The following AGBL4 variants were observed in gnomAD, a reference collection of about 807,000 sequenced individuals.
AGBL4 encodes cytosolic carboxypeptidase 6.
A neutral mutation model predicts 66.4 loss-of-function variants in AGBL4; 58 were observed. That is an observed-to-expected ratio of 0.87 (90% CI 0.71 to 1.09). The LOEUF is 1.09. Among genes scored for constraint, AGBL4 ranks in the 50% least tolerant of loss-of-function variants. The probability of loss-of-function intolerance (pLI) is 0.00; values close to 1 mark genes in which losing one functional copy is unlikely to be tolerated. For synonymous variants in AGBL4, 234 were observed against 222.9 expected (o/e 1.05, Z -0.44); for missense variants, 579 against 631.0 (o/e 0.92, Z 0.88).
intron 3 of AGBL4, among the ~76,000 whole-genome samples, chr1:49,638,689 C>T (rs1571225582): frequency 6.6e-6 from 1 of 152,200 alleles, no homozygotes; most frequent in Non-Finnish European, 1.5e-5. Context: ...TTCTTGCCTG[C>T]TGCCATGTAA....
chr1:48,526,092 A>G, the AGBL4 span, among the ~76,000 whole-genome samples: 3 of 152,228 alleles, frequency 2.0e-5, no homozygotes, highest in African/African-American at 7.2e-5. Context: ...GGGGACATCC[A>G]GTTGCAAAGG....
chr1:49,253,439 T>C (rs1557769472), intron 3 of AGBL4, among the ~76,000 whole-genome samples: 2 of 152,128 alleles, frequency 1.3e-5, no homozygotes, highest in Non-Finnish European at 2.9e-5. Context: ...ATGGATAAAT[T>C]CCTGGACACA....
intron 5 of AGBL4, among the ~76,000 whole-genome samples, chr1:48,960,237 A>G (rs1657851554): frequency 6.6e-6 from 1 of 152,154 alleles, no homozygotes; most frequent in African/African-American, 2.4e-5. Flanking sequence ...TGGAAAAGAG[A>G]GAGAGGAATA....
chr1:49,423,140 A>C (rs554808306), intron 3 of AGBL4: 2 of 152,336 alleles, frequency 1.3e-5, no homozygotes, highest in Admixed American at 1.3e-4. Flanking sequence ...ATATCCTATT[A>C]ATAGAAGAGA....
rs530726968 is a variant in AGBL4 at position 49,487,332 on chromosome 1, A to T, written c.282+209981T>A. 2.0e-5 allele frequency among the ~76,000 whole-genome samples: 3 copies of T among 152,020 alleles called. No individual in the cohort carries two copies. The East Asian group carries it at 5.8e-4, about 29-fold the overall frequency. ...ATTTTATCCTCATGACAACTATATG[A>T]GGTAGGTGTCTGAGAAGTTTTGCTC... On this transcript the variant is annotated intron_variant, in intron 3 of 13. Coordinates refer to ENST00000371839, the MANE Select transcript of AGBL4 (RefSeq NM_032785.4).
the AGBL4 span, among the ~76,000 whole-genome samples, chr1:48,523,513 C>G: frequency 6.6e-6 from 1 of 152,156 alleles, no homozygotes; most frequent in East Asian, 1.9e-4. Context: ...AGGCTTAAAT[C>G]CAGGCTCTGG....
chr1:48,996,023 G>C (rs898870790), intron 5 of AGBL4, among the ~76,000 whole-genome samples: 1 of 152,132 alleles, frequency 6.6e-6, no homozygotes, highest in Non-Finnish European at 1.5e-5. Flanking sequence ...AGGAAAGTGA[G>C]TGGGTTGGGG....
rs372960346 is a variant in AGBL4, at chr1:50,002,359, C to CTTTTTTT, written c.34+21397_34+21403dup. Among the ~76,000 whole-genome samples the CTTTTTTT allele has an allele frequency of 7.6e-4, 73 of 96,022 alleles. 6 individuals carry two copies. The highest frequency in any genetic ancestry group is 2.7e-3 in the African/African-American group (60 of 22,146). The allele number at this position is 96,022 out of a possible 152,430, so 63.0% of individuals were successfully genotyped here. Reference sequence around the variant, plus strand: ...TTGAGCCCTTAAATCTGCCCTAGTTCTTTTTTTTTTTTTTTTTTTTTTTTT... The same window carrying CTTTTTTT: ...TTGAGCCCTTAAATCTGCCCTAGTTCTTTTTTTTTTTTTTTTTTTTTTTTTTTTTTTT... On this transcript the variant is annotated intron_variant, in intron 1 of 13. Transcript: ENST00000371839.
At chr1:48,656,863 G>A (rs953119514) in intron 7 of AGBL4, among the ~76,000 whole-genome samples, 2 of 152,084 alleles carry the variant, frequency 1.3e-5, no homozygotes, top group South Asian at 2.1e-4. Flanking sequence ...GCTACCTATC[G>A]GGTACTATGT....
At chr1:49,992,343 G>T (rs1363373540) in intron 1 of AGBL4, among the ~76,000 whole-genome samples, 1 of 149,716 alleles carries the variant, frequency 6.7e-6, no homozygotes, top group African/African-American at 2.5e-5. Context: ...CTGCACTCCA[G>T]CCTGGGCGAC....
At chr1:49,292,288 G>A (rs996769215) in intron 3 of AGBL4, among the ~76,000 whole-genome samples, 8 of 152,210 alleles carry the variant, frequency 5.3e-5, no homozygotes, top group African/African-American at 1.9e-4. Flanking sequence ...GCACTCCTTG[G>A]CACCTAAAGC....
chr1:49,287,007 A>T (rs1644427286), intron 3 of AGBL4, among the ~76,000 whole-genome samples: 1 of 151,930 alleles, frequency 6.6e-6, no homozygotes, highest in Admixed American at 6.6e-5. Flanking sequence ...ACTGGTACCA[A>T]AACAGAGATA....
intron 3 of AGBL4, among the ~76,000 whole-genome samples, chr1:49,623,377 C>A (rs1262912458): frequency 6.6e-6 from 1 of 152,164 alleles, no homozygotes; most frequent in African/African-American, 2.4e-5. Flanking sequence ...AAACCAAAAT[C>A]AGCTTCAGAA....
At chr1:48,851,155 G>A (rs943393843) in intron 6 of AGBL4, among the ~76,000 whole-genome samples, 2 of 152,110 alleles carry the variant, frequency 1.3e-5, no homozygotes, top group African/African-American at 2.4e-5. Flanking sequence ...TATTTGTCCT[G>A]TGGCACCAGA....
At chr1:49,779,643 C>G (rs1245632641) in intron 2 of AGBL4, among the ~76,000 whole-genome samples, 3 of 152,146 alleles carry the variant, frequency 2.0e-5, no homozygotes. Context: ...GTATGGCTGG[C>G]ATGGGAGATC....
rs570510480 is a variant in AGBL4, at chr1:48,577,722, G to C, written c.1267+9282C>G. On this transcript the variant is annotated intron_variant, in intron 11 of 13. Transcript: ENST00000371839. ...AGAGAGAGAGTCTGGGCAGCATCCAGCAGAGCTGCAACTGGGCTATCAGGG... is the reference window on the plus strand; with the variant it reads ...AGAGAGAGAGTCTGGGCAGCATCCACCAGAGCTGCAACTGGGCTATCAGGG... Among the ~76,000 whole-genome samples, 157 of 152,238 alleles carry C rather than the reference G, an allele frequency of 1.0e-3. 4 individuals are homozygous for C. In the South Asian group the frequency reaches 0.031, roughly 30 times the overall value.
intron 5 of AGBL4, among the ~76,000 whole-genome samples, chr1:48,957,945 T>C (rs1343598951): frequency 6.6e-6 from 1 of 152,190 alleles, no homozygotes; most frequent in Non-Finnish European, 1.5e-5. Flanking sequence ...TCAGGATCCT[T>C]GGCATAACAG....
chr1:49,137,456 A>G (rs1646033553), intron 4 of AGBL4, among the ~76,000 whole-genome samples: 1 of 152,144 alleles, frequency 6.6e-6, no homozygotes, highest in South Asian at 2.1e-4. Context: ...TTGGTTTCAG[A>G]AGGATTTTAT....
At chr1:49,027,728 A>G (rs565954846) in intron 5 of AGBL4, among the ~76,000 whole-genome samples, 180 of 152,264 alleles carry the variant, frequency 1.2e-3, no homozygotes, top group African/African-American at 4.2e-3. Flanking sequence ...CTGCTAAGAA[A>G]TAAGTCTTCC....
Sources: gnomAD v4.1 joint callset for allele counts (sites outside exome capture counted in the v4.1 genomes callset) on GRCh38, gnomAD v4.1.1 for gene constraint, MANE v1.5 for transcripts, NCBI Gene and HGNC (gene_info 2026-07-23, HGNC 2026-07-21) for gene names.